PTPRN2: variants seen among roughly 807,000 people sequenced by gnomAD.
The protein encoded by PTPRN2 is receptor-type tyrosine-protein phosphatase N2.
In PTPRN2, 74 loss-of-function variants were observed where a neutral mutation model predicts 118.8. The ratio of observed to expected loss-of-function variants is 0.62; its 90% CI spans 0.52 to 0.76. The LOEUF (loss-of-function observed/expected upper bound fraction) is 0.76. Ranked by LOEUF, PTPRN2 falls within the 30% of genes least tolerant of loss-of-function variation. The pLI, the probability that PTPRN2 is intolerant of heterozygous loss-of-function variation, is 0.00. For missense variants in PTPRN2, 1,481 were observed against 1,394.4 expected, an observed-to-expected ratio of 1.06 and a Z score of -0.99; for synonymous variants, 641 against 608.0, an observed-to-expected ratio of 1.05 and a Z score of -0.80.
chr7:157,926,228 A>G (rs1297567265), intron 11 of PTPRN2, among the ~76,000 whole-genome samples: 1 of 152,008 alleles, frequency 6.6e-6, no homozygotes, highest in Non-Finnish European at 1.5e-5. Context: ...CTATCTATCT[A>G]CCACTAAACC....
intron 12 of PTPRN2, among the ~76,000 whole-genome samples, chr7:157,703,136 G>A (rs1441348922): frequency 6.6e-6 from 1 of 152,228 alleles, no homozygotes; most frequent in Non-Finnish European, 1.5e-5. Context: ...AGTGTGGCCG[G>A]CAGCCTCTGA....
chr7:157,615,999 G>A lies in PTPRN2; in HGVS notation c.2344+5363C>T, dbSNP rs1802748432. 4.4e-6 allele frequency: 1 copy of A among 224,980 alleles called. No individual in the cohort carries two copies. The highest frequency in any genetic ancestry group is 1.2e-4 in the East Asian group (1 of 8,012). The allele number at this position is 224,980 out of a possible 1,614,324, so 13.9% of individuals were successfully genotyped here. A position where few individuals can be genotyped will look rare whatever the true frequency, so the allele number is the denominator to read the frequency against. On this transcript the variant is annotated intron_variant, in intron 15 of 22. Coordinates refer to ENST00000389418, the MANE Select transcript of PTPRN2 (RefSeq NM_002847.5). This position sits in a 1 kb window ranked among gnomAD's most constrained non-coding sequence, Gnocchi z 4.3. ...CCAGGAAGAAGCACACCGTGGCCTG[G>A]GGCCCCTCTGGAGGGTAGGTCTTCC...
intron 2 of PTPRN2, among the ~76,000 whole-genome samples, chr7:158,412,051 C>T: frequency 6.8e-6 from 1 of 147,890 alleles, no homozygotes; most frequent in African/African-American, 2.5e-5. Context: ...CCAGTGCCCT[C>T]CTCAGCACCA....
intron 12 of PTPRN2, among the ~76,000 whole-genome samples, chr7:157,728,773 G>A (rs1799735648): frequency 6.6e-6 from 1 of 152,158 alleles, no homozygotes; most frequent in African/African-American, 2.4e-5. Flanking sequence ...TCTTATATGA[G>A]GTTAATGAAA....
rs541278017 is a variant in PTPRN2, at chr7:158,478,372, T to G, written c.163+11363A>C. Among the ~76,000 whole-genome samples the G allele has an allele frequency of 1.1e-4, 16 of 152,260 alleles. No homozygotes were observed. The East Asian group carries it at 3.1e-3, about 29-fold the overall frequency. On this transcript the variant is annotated intron_variant, in intron 2 of 22. Coordinates refer to ENST00000389418, the MANE Select transcript of PTPRN2 (RefSeq NM_002847.5). ...AAGCACAAGGTCTTGATCATTCTCCTGGCATTCGGTGCTGTGCGTAGGGTG... is the reference window on the plus strand; with the variant it reads ...AAGCACAAGGTCTTGATCATTCTCCGGGCATTCGGTGCTGTGCGTAGGGTG...
intron 3 of PTPRN2, among the ~76,000 whole-genome samples, chr7:158,263,640 C>G (rs949202921): frequency 1.3e-5 from 2 of 152,230 alleles, no homozygotes; most frequent in Non-Finnish European, 2.9e-5. Flanking sequence ...AAATTCCTCT[C>G]CCGGGCATTC....
chr7:158,164,506 G>T (rs1274545906), intron 6 of PTPRN2, among the ~76,000 whole-genome samples: 1 of 139,180 alleles, frequency 7.2e-6, no homozygotes, highest in East Asian at 2.3e-4. Context: ...GAGCGCGCGC[G>T]TAGGGAGGGC....
chr7:158,501,791 T>C (rs905803801), intron 1 of PTPRN2, among the ~76,000 whole-genome samples: 1 of 152,184 alleles, frequency 6.6e-6, no homozygotes, highest in South Asian at 2.1e-4. Context: ...ATTGAGGATA[T>C]GTTGACCCGC....
intron 11 of PTPRN2, among the ~76,000 whole-genome samples, chr7:158,056,524 CAGG>C (rs907597211): frequency 6.6e-6 from 1 of 152,216 alleles, no homozygotes; most frequent in Non-Finnish European, 1.5e-5. Context: ...TTAGGATGGG[CAGG>C]AGAAGCCCCT....
At chr7:158,336,385 A>T (rs1421102037) in intron 2 of PTPRN2, among the ~76,000 whole-genome samples, 3 of 142,230 alleles carry the variant, frequency 2.1e-5, no homozygotes, top group Admixed American at 7.1e-5. Flanking sequence ...ACACATGCAG[A>T]CGTCACTCAC....
At chr7:158,146,978 G>A (rs1308272059) in intron 6 of PTPRN2, among the ~76,000 whole-genome samples, 4 of 110,392 alleles carry the variant, frequency 3.6e-5, no homozygotes, top group South Asian at 7.1e-4. Context: ...CACGCCACGT[G>A]TCTTTCCCCC....
intron 12 of PTPRN2, among the ~76,000 whole-genome samples, chr7:157,799,479 G>C (rs1200235260): frequency 6.6e-6 from 1 of 152,068 alleles, no homozygotes; most frequent in Non-Finnish European, 1.5e-5. Flanking sequence ...CACCAGAGCA[G>C]ACCCAGCCCA....
rs989870627 is a variant in PTPRN2, at chr7:157,603,662, A to C, written c.2418+340T>G. ...CCCCATGCCCCATGAATATACAGGG[A>C]ATGTGTAGCTCCAGGAAAGAGGAAC... On this transcript the variant is annotated intron_variant, in intron 16 of 22. Coordinates refer to ENST00000389418, the MANE Select transcript of PTPRN2 (RefSeq NM_002847.5). The surrounding 1 kb of genome is among the most constrained non-coding windows in gnomAD (Gnocchi z 5.4). Among the ~76,000 whole-genome samples, 3 of 152,132 alleles carry C rather than the reference A, an allele frequency of 2.0e-5. No individual in the cohort carries two copies. The highest frequency in any genetic ancestry group is 4.4e-5 in the Non-Finnish European group (3 of 68,020).
intron 12 of PTPRN2, among the ~76,000 whole-genome samples, chr7:157,850,712 T>A (rs1563170724): frequency 6.6e-6 from 1 of 152,162 alleles, no homozygotes; most frequent in Non-Finnish European, 1.5e-5. Flanking sequence ...GGATTCCAGG[T>A]TCCTGGGAGT....
chr7:158,384,491 A>G (rs1469709144), intron 2 of PTPRN2, among the ~76,000 whole-genome samples: 1 of 152,196 alleles, frequency 6.6e-6, no homozygotes, highest in Non-Finnish European at 1.5e-5. Flanking sequence ...GCTCCTTAAC[A>G]GTTACAGATC....
chr7:157,685,486 C>T (rs1172669470), intron 12 of PTPRN2, among the ~76,000 whole-genome samples: 1 of 152,092 alleles, frequency 6.6e-6, no homozygotes, highest in Admixed American at 6.5e-5. Context: ...ACCGCCGGCT[C>T]CGGCTCCCCG....
At chr7:158,225,290 T>G (rs563193346) in intron 3 of PTPRN2, among the ~76,000 whole-genome samples, 6 of 152,164 alleles carry the variant, frequency 3.9e-5, no homozygotes, top group Middle Eastern at 3.4e-3. Flanking sequence ...TGTTCACCAG[T>G]TTTATTTAGA....
At chr7:157,947,159 C>T (rs1225023717) in intron 11 of PTPRN2, among the ~76,000 whole-genome samples, 1 of 152,176 alleles carries the variant, frequency 6.6e-6, no homozygotes, top group East Asian at 1.9e-4. Context: ...GCGAAAAGGT[C>T]TGTCAAAGGG....
intron 5 of PTPRN2, among the ~76,000 whole-genome samples, chr7:158,178,491 G>A (rs898246989): frequency 6.6e-6 from 1 of 151,192 alleles, no homozygotes; most frequent in African/African-American, 2.4e-5. Flanking sequence ...TAGAATAATG[G>A]CTTCCAGCTC....
Sources: gnomAD v4.1 joint callset for allele counts (sites outside exome capture counted in the v4.1 genomes callset) on GRCh38, gnomAD v4.1.1 for gene constraint, Gnocchi (gnomAD v3.1) non-coding constraint, MANE v1.5 for transcripts, NCBI Gene and HGNC (gene_info 2026-07-23, HGNC 2026-07-21) for gene names.